The following DMRT2 variants were observed in gnomAD, a reference collection of about 807,000 sequenced individuals.
DMRT2 encodes the protein doublesex- and mab-3-related transcription factor 2.
Under a neutral mutation model 43.5 loss-of-function variants are expected in DMRT2, and 33 were observed. The observed-to-expected ratio is 0.76, with a 90% CI of 0.58 to 1.01. The LOEUF (loss-of-function observed/expected upper bound fraction) is 1.01. DMRT2 is among the 50% of genes least tolerant of loss of function. DMRT2 has a pLI of 0.00. For missense variants in DMRT2, 1,064 were observed against 748.0 expected (o/e 1.42, Z -4.93); for synonymous variants, 395 against 309.2 (o/e 1.28, Z -2.91).
At chr9:1,053,918 T>C in intron 3 of DMRT2, 94 bp downstream of exon 3, 1 of 1,060,426 alleles carries the variant, frequency 9.4e-7, no homozygotes, top group Admixed American at 2.3e-5. Flanking sequence ...GTGAAAGAGC[T>C]ATCTAAAGGG....
Position 1,051,449 on chromosome 9 carries a change from T to C in DMRT2, c.-44-121T>C. 1 of 1,184,322 alleles carries C rather than the reference T, an allele frequency of 8.4e-7. No individual in the cohort carries two copies. The highest frequency in any genetic ancestry group is 1.1e-6 in the Non-Finnish European group (1 of 901,988). 73.4% of individuals were successfully genotyped at this position (1,184,322 alleles called of 1,614,324 possible). A position where few individuals can be genotyped will look rare whatever the true frequency, so the allele number is the denominator to read the frequency against. ...GTGTGGCCTGGAAGTGAGGGACATG[T>C]AATGAGAACAGGATGACTCAAGCGG... On this transcript the variant is annotated intron_variant, in intron 1 of 3. Coordinates refer to ENST00000358146, the MANE Select transcript of DMRT2 (RefSeq NM_181872.6). This position sits in a 1 kb window ranked among gnomAD's most constrained non-coding sequence, Gnocchi z 5.9.
Position 1,051,566 on chromosome 9 carries a change from C to G in DMRT2, c.-44-4C>G. 1 of 1,469,064 alleles carries G rather than the reference C, an allele frequency of 6.8e-7. No homozygotes were observed. The highest frequency in any genetic ancestry group is 8.9e-7 in the Non-Finnish European group (1 of 1,120,718). 91.0% of individuals were successfully genotyped at this position (1,469,064 alleles called of 1,614,324 possible). On this transcript the variant is annotated splice_region_variant and splice_polypyrimidine_tract_variant and intron_variant, in intron 1 of 3. Transcript: ENST00000358146. This position sits in a 1 kb window ranked among gnomAD's most constrained non-coding sequence, Gnocchi z 5.9. ...GGTCTTTGGATTTCTTTGTGTTTCC[C>G]CAGAGTGAGGGCCGCCAGGCTCAGG...
rs780441362 is a variant in DMRT2, at chr9:1,057,167, T to G, written c.1580T>G (p.Val527Gly). The G allele has an allele frequency of 6.2e-7, 1 of 1,614,110 alleles. No individual in the cohort carries two copies. The highest frequency in any genetic ancestry group is 8.5e-7 in the Non-Finnish European group (1 of 1,180,028). Reference sequence around the variant, plus strand: ...GATAGATGTGCAAAAGACCTTTTTGTAGCCAAACAAGTTGGAACAAAACTC... The same window carrying G: ...GATAGATGTGCAAAAGACCTTTTTGGAGCCAAACAAGTTGGAACAAAACTC... ...TIDRCAKDLFVAKQVGTKLSV... is the reference protein window; with the variant it reads ...TIDRCAKDLFGAKQVGTKLSV... The change falls in exon 4 of 4, where the codon GTA (valine) becomes GGA (glycine). Residue 527 changes from valine (V) to glycine (G), a missense_variant. Physicochemically the swap from Val to Gly is moderately radical, Grantham distance 109 (BLOSUM62 -3). Coordinates refer to ENST00000358146, the MANE Select transcript of DMRT2 (RefSeq NM_181872.6).
intron 3 of DMRT2, among the ~76,000 whole-genome samples, chr9:1,055,442 C>T (rs370543885): frequency 1.4e-4 from 21 of 152,210 alleles, no homozygotes; most frequent in East Asian, 7.7e-4. Context: ...TTTTGGTATC[C>T]GGCCAAAATG....
rs945516039 is a variant in DMRT2, at chr9:1,052,131, C to T, written c.518C>T (p.Ala173Val). Residue 173 changes from alanine (A) to valine (V), a missense_variant, in exon 2 of 4, where the codon GCC (alanine) becomes GTC (valine). Transcript: ENST00000358146. ...AAQVALRRQQ[A>V]TEDKKGLSGK... ...CAGGTGGCGCTCCGGAGGCAGCAGGCCACCGAGGTGCGTACCCGCCCGGCC... is the reference window on the plus strand; with the variant it reads ...CAGGTGGCGCTCCGGAGGCAGCAGGTCACCGAGGTGCGTACCCGCCCGGCC... The T allele has an allele frequency of 7.1e-7, 1 of 1,401,186 alleles. No individual in the cohort carries two copies. Among genetic ancestry groups the T allele is most frequent in the Non-Finnish European group, 9.2e-7 (1 of 1,083,424 alleles). The allele number at this position is 1,401,186 out of a possible 1,614,324, so 86.8% of individuals were successfully genotyped here. A position where few individuals can be genotyped will look rare whatever the true frequency, so the allele number is the denominator to read the frequency against.
intron 3 of DMRT2, among the ~76,000 whole-genome samples, chr9:1,054,965 A>AG (rs1014340875): frequency 9.8e-4 from 149 of 152,212 alleles, no homozygotes; most frequent in African/African-American, 3.3e-3. Context: ...CAGGTTTTGA[A>AG]GTTTGTGTGT....
In DMRT2 at chr9:1,056,741, A is replaced by G; in HGVS notation, c.1154A>G (p.Asp385Gly). Residue 385 changes from aspartate to glycine, a missense_variant, in exon 4 of 4, where the codon GAT becomes GGT. Transcript: ENST00000358146. The stretch of plus-strand genomic sequence containing the variant: ...GACTTGAAGGGAGCACGAGTCCAGG[A>G]TGGACTCAGTGCAGAGCAGGACATG... ...SWDLKGARVQ[D>G]GLSAEQDMMP... The G allele has an allele frequency of 1.9e-6, 3 of 1,614,112 alleles. No homozygotes were observed. Among genetic ancestry groups the G allele is most frequent in the East Asian group, 2.2e-5 (1 of 44,860 alleles).
chr9:1,057,114 G>C lies in DMRT2; in HGVS notation c.1527G>C (p.Lys509Asn). ...AGAAACACAGAGAGTGTTTAGTTAA[G>C]GACAACCAGAAGTACACATTTACAA... Reference protein sequence around the residue: ...TPKKHRECLVKDNQKYTFTID... With the variant: ...TPKKHRECLVNDNQKYTFTID... Residue 509 changes from lysine (K) to asparagine (N), a missense_variant, in exon 4 of 4, where the codon AAG becomes AAC. Transcript: ENST00000358146. 6.2e-7 allele frequency: 1 copy of C among 1,614,026 alleles called. No individual in the cohort carries two copies. The highest frequency in any genetic ancestry group is 8.5e-7 in the Non-Finnish European group (1 of 1,180,028).
intron 3 of DMRT2, chr9:1,054,656 A>G (rs1032640307): frequency 1.1e-4 from 16 of 152,140 alleles, no homozygotes; most frequent in African/African-American, 3.6e-4. Context: ...CTATTTGGGT[A>G]TGGAATTTAT....
In DMRT2 at chr9:1,051,566, C is replaced by A; in HGVS notation, c.-44-4C>A. On this transcript the variant is annotated splice_region_variant and splice_polypyrimidine_tract_variant and intron_variant, in intron 1 of 3. Coordinates refer to ENST00000358146, the MANE Select transcript of DMRT2 (RefSeq NM_181872.6). The surrounding 1 kb of genome is among the most constrained non-coding windows in gnomAD (Gnocchi z 5.9). ...GGTCTTTGGATTTCTTTGTGTTTCC[C>A]CAGAGTGAGGGCCGCCAGGCTCAGG... 6.8e-7 allele frequency: 1 copy of A among 1,469,062 alleles called. No homozygotes were observed. The highest frequency in any genetic ancestry group is 8.9e-7 in the Non-Finnish European group (1 of 1,120,718). 91.0% of individuals were successfully genotyped at this position (1,469,062 alleles called of 1,614,324 possible).
chr9:1,057,383 G>A lies in DMRT2; in HGVS notation c.*110G>A, dbSNP rs1412349648. On this transcript the variant is annotated 3_prime_UTR_variant, in exon 4 of 4. Coordinates refer to ENST00000358146, the MANE Select transcript of DMRT2 (RefSeq NM_181872.6). ...TGTGTAAAGAAATTTCTAATGTAAA[G>A]ATGATGATTTTGAAAAATTTTATAT... 6 of 1,320,242 alleles carry A rather than the reference G, an allele frequency of 4.5e-6. No individual in the cohort carries two copies. Among genetic ancestry groups the A allele is most frequent in the Admixed American group, 2.7e-5 (1 of 37,734 alleles). The allele number at this position is 1,320,242 out of a possible 1,614,324, so 81.8% of individuals were successfully genotyped here.
rs267602063 is a variant in DMRT2, at chr9:1,056,995, C to G, written c.1408C>G (p.Pro470Ala). The G allele has an allele frequency of 2.5e-6, 4 of 1,614,080 alleles. No individual in the cohort carries two copies. The highest frequency in any genetic ancestry group is 4.5e-5 in the East Asian group (2 of 44,900). ...GCACCCTCTGCCACTTAGACATAAT[C>G]CATTCCACTCATTATTCCAGCAAAC... ...TRHPLPLRHN[P>A]FHSLFQQTLT... The change falls in exon 4 of 4, where the codon CCA becomes GCA. Residue 470 changes from proline to alanine, a missense_variant. Coordinates refer to ENST00000358146, the MANE Select transcript of DMRT2 (RefSeq NM_181872.6).
chr9:1,056,767 A>G lies in DMRT2; in HGVS notation c.1180A>G (p.Met394Val). The change falls in exon 4 of 4, where the codon ATG becomes GTG. Residue 394 changes from methionine to valine, a missense_variant. Transcript: ENST00000358146. ...TGGACTCAGTGCAGAGCAGGACATGATGCCATCGAAATTGGAAGGTTCCCT... is the reference window on the plus strand; with the variant it reads ...TGGACTCAGTGCAGAGCAGGACATGGTGCCATCGAAATTGGAAGGTTCCCT... ...QDGLSAEQDM[M>V]PSKLEGSLVL... 1 of 1,614,116 alleles carries G rather than the reference A, an allele frequency of 6.2e-7. No homozygotes were observed. Among genetic ancestry groups the G allele is most frequent in the African/African-American group, 1.3e-5 (1 of 75,036 alleles).
rs1054238168 is a variant in DMRT2, at chr9:1,056,246, T to C, written c.659T>C (p.Val220Ala). The C allele has an allele frequency of 1.4e-5, 22 of 1,613,344 alleles. No individual in the cohort carries two copies. Among genetic ancestry groups the C allele is most frequent in the Middle Eastern group, 3.3e-4 (2 of 6,072 alleles). ...CGCCCCATTCCAGCGGAGACTTATG[T>C]AGGAGGGACCTTCCCTCTACCTCCC... ...GYRPIPAETY[V>A]GGTFPLPPPV... Residue 220 changes from valine (V) to alanine (A), a missense_variant, in exon 4 of 4, where the codon GTA becomes GCA. Transcript: ENST00000358146.
At position 1,057,266 on chromosome 9, in the gene DMRT2, C is replaced by G; in HGVS notation, c.1679C>G (p.Ser560Cys). Residue 560 changes from serine (S) to cysteine (C), a missense_variant, in exon 4 of 4, where the codon TCT (serine) becomes TGT (cysteine). Physicochemically the swap from Ser to Cys is moderately radical, Grantham distance 112 (BLOSUM62 -1). Transcript: ENST00000358146. ...CCTTCATCTGCCATCACTCGTGTCT[C>G]TCAGTGAAAGGCTGCTTAAACAGAA... Reference protein sequence around the residue: ...KRPSSAITRVSQ With the variant: ...KRPSSAITRVCQ The G allele has an allele frequency of 5.6e-6, 9 of 1,607,872 alleles. No homozygotes were observed. The highest frequency in any genetic ancestry group is 7.6e-6 in the Non-Finnish European group (9 of 1,177,590).
intron 3 of DMRT2, among the ~76,000 whole-genome samples, chr9:1,054,052 C>T (rs540756267): frequency 3.0e-4 from 46 of 152,218 alleles, no homozygotes; most frequent in Non-Finnish European, 6.0e-4. Context: ...GGAAGGAAAC[C>T]GCCACCTGGG....
In DMRT2 at chr9:1,054,168, T is replaced by A. The variant is rs988842689; in HGVS notation, c.628+344T>A. On this transcript the variant is annotated intron_variant, in intron 3 of 3. Transcript: ENST00000358146. Reference sequence around the variant, plus strand: ...TTAATCGGTTAATGTGGAGTGCATGTGAAATTTACCCCGTATGAGGGATGT... The same window carrying A: ...TTAATCGGTTAATGTGGAGTGCATGAGAAATTTACCCCGTATGAGGGATGT... Among the ~76,000 whole-genome samples, 11 of 152,328 alleles carry A rather than the reference T, an allele frequency of 7.2e-5. No individual in the cohort carries two copies. The East Asian group carries it at 2.1e-3, about 29-fold the overall frequency.
Position 1,050,609 on chromosome 9 carries a change from C to A in DMRT2, c.-211C>A. ...CTCCACCTACCTTCTCCCTCCCCCT[C>A]CACCATCCAGTGGGTTCGTTCCGGG... On this transcript the variant is annotated 5_prime_UTR_variant, in exon 1 of 4. Transcript: ENST00000358146. The A allele has an allele frequency of 6.5e-6, 1 of 152,764 alleles. No homozygotes were observed. Among genetic ancestry groups the A allele is most frequent in the Admixed American group, 6.5e-5 (1 of 15,312 alleles). 9.5% of individuals were successfully genotyped at this position (152,764 alleles called of 1,614,324 possible).
chr9:1,052,148 C>A lies in DMRT2; in HGVS notation c.525+10C>A. 7.3e-7 allele frequency: 1 copy of A among 1,373,638 alleles called. No homozygotes were observed. Among genetic ancestry groups the A allele is most frequent in the Non-Finnish European group, 9.3e-7 (1 of 1,069,712 alleles). 85.1% of individuals were successfully genotyped at this position (1,373,638 alleles called of 1,614,324 possible). ...GCAGCAGGCCACCGAGGTGCGTACC[C>A]GCCCGGCCCGGGCGTCTCAGGCCAC... On this transcript the variant is annotated intron_variant, in intron 2 of 3. Coordinates refer to ENST00000358146, the MANE Select transcript of DMRT2 (RefSeq NM_181872.6).
Sources: gnomAD v4.1 joint callset for allele counts (sites outside exome capture counted in the v4.1 genomes callset) on GRCh38, gnomAD v4.1.1 for gene constraint, Gnocchi (gnomAD v3.1) non-coding constraint, MANE v1.5 for transcripts, NCBI Gene and HGNC (gene_info 2026-07-23, HGNC 2026-07-21) for gene names.